The following AKAP6 variants were observed in gnomAD, a reference collection of about 807,000 sequenced individuals.
The protein encoded by AKAP6 is A-kinase anchoring protein 6.
AKAP6 carries 58 observed loss-of-function variants against 188.5 expected under a neutral mutation model. That is an observed-to-expected ratio of 0.31 (90% CI 0.25 to 0.38). The LOEUF (loss-of-function observed/expected upper bound fraction) is 0.38, where lower values mean the gene tolerates loss of function less well. Ranked by LOEUF, AKAP6 falls within the 10% of genes least tolerant of loss-of-function variation. AKAP6 has a pLI of 1.00. For missense variants in AKAP6, 2,710 were observed against 2,740.0 expected (o/e 0.99, Z 0.24); for synonymous variants, 989 against 998.6 (o/e 0.99, Z 0.18).
At position 32,600,623 on chromosome 14, in the gene AKAP6, G is replaced by A; in HGVS notation, c.2567-6G>A. The stretch of plus-strand genomic sequence containing the variant: ...CAACTTCTGCTTTCCCCTCCTTTTG[G>A]AGAAGGACTGAAGGACATGCTGCGG... On this transcript the variant is annotated splice_region_variant and splice_polypyrimidine_tract_variant and intron_variant, in intron 6 of 13. Transcript: ENST00000280979. The A allele has an allele frequency of 1.2e-6, 2 of 1,601,040 alleles. No homozygotes were observed. Among genetic ancestry groups the A allele is most frequent in the Non-Finnish European group, 1.7e-6 (2 of 1,173,412 alleles).
At chr14:32,508,286 G>A (rs1388329621) in intron 2 of AKAP6, among the ~76,000 whole-genome samples, 1 of 152,194 alleles carries the variant, frequency 6.6e-6, no homozygotes, top group Non-Finnish European at 1.5e-5. Flanking sequence ...ATTGCCTTGG[G>A]AAAAGGGATT....
intron 8 of AKAP6, among the ~76,000 whole-genome samples, chr14:32,686,418 T>A (rs1408401964): frequency 6.6e-6 from 1 of 152,116 alleles, no homozygotes; most frequent in Non-Finnish European, 1.5e-5. Flanking sequence ...AACTTTATTG[T>A]ACATTTTAAA....
intron 11 of AKAP6, among the ~76,000 whole-genome samples, chr14:32,771,565 C>T (rs28380084): frequency 0.018 from 2,705 of 152,174 alleles, 78 homozygotes; most frequent in African/African-American, 0.062. Flanking sequence ...CTAGCAACCT[C>T]AGATGTCCTG....
intron 2 of AKAP6, among the ~76,000 whole-genome samples, chr14:32,493,463 A>G (rs1443860365): frequency 2.6e-5 from 4 of 152,108 alleles, no homozygotes; most frequent in African/African-American, 7.2e-5. Flanking sequence ...CTCCTGCTTC[A>G]GCCTCCCAAA....
intron 2 of AKAP6, among the ~76,000 whole-genome samples, chr14:32,527,453 T>G (rs1882190843): frequency 6.6e-6 from 1 of 152,202 alleles, no homozygotes; most frequent in Non-Finnish European, 1.5e-5. Context: ...GGATATGAGT[T>G]TTCAACTCCT....
At chr14:32,791,063 G>T (rs1386382028) in intron 12 of AKAP6, among the ~76,000 whole-genome samples, 1 of 152,152 alleles carries the variant, frequency 6.6e-6, no homozygotes, top group Non-Finnish European at 1.5e-5. Context: ...ATTGCGAATA[G>T]TGCTGCAATA....
intron 3 of AKAP6, among the ~76,000 whole-genome samples, chr14:32,544,645 G>A (rs1257962476): frequency 1.3e-5 from 2 of 152,156 alleles, no homozygotes; most frequent in African/African-American, 4.8e-5. Context: ...CTTCAAAAGG[G>A]TGGGGCCAAA....
At position 32,426,883 on chromosome 14, in the gene AKAP6, ATGAT is replaced by A. The variant is rs1194024575; in HGVS notation, c.-34-6571_-34-6568del. On this transcript the variant is annotated intron_variant, in intron 1 of 13. Coordinates refer to ENST00000280979, the MANE Select transcript of AKAP6 (RefSeq NM_004274.5). ...TAGGAGGAAGGTTTGAGGGGAGAAG[ATGAT>A]TGATTAAGTGTGTTATGGTTGACAG... 3.3e-5 allele frequency among the ~76,000 whole-genome samples: 5 copies of A among 152,062 alleles called. No homozygotes were observed. The East Asian group carries it at 9.6e-4, about 29-fold the overall frequency.
intron 2 of AKAP6, among the ~76,000 whole-genome samples, chr14:32,510,492 A>ATATATATATATACATATATATATATG (rs1566547065): frequency 0.031 from 3,508 of 112,174 alleles, 127 homozygotes; most frequent in African/African-American, 0.052. Context: ...ATATATGTGT[A>ATATATATATATACATATATATATATG]TATATATATA....
At chr14:32,404,691 G>GATAGATTATATATATATATAT in intron 1 of AKAP6, among the ~76,000 whole-genome samples, 13 of 44,438 alleles carry the variant, frequency 2.9e-4, no homozygotes, top group South Asian at 1.3e-3. Flanking sequence ...GGAGTCAGGA[G>GATAGATTATATATATATATAT]ATATATATAT....
chr14:32,464,115 C>T (rs1878249302), intron 2 of AKAP6, among the ~76,000 whole-genome samples: 1 of 151,892 alleles, frequency 6.6e-6, no homozygotes. Flanking sequence ...GCCTACCAAC[C>T]AAAAAAAGCC....
chr14:32,587,075 A>C (rs1257242388), intron 5 of AKAP6, among the ~76,000 whole-genome samples: 1 of 152,178 alleles, frequency 6.6e-6, no homozygotes, highest in Admixed American at 6.5e-5. Context: ...TGTCCCTCTG[A>C]TAGTTACAGA....
chr14:32,531,206 T>C (rs1456778100), intron 2 of AKAP6, among the ~76,000 whole-genome samples: 1 of 152,202 alleles, frequency 6.6e-6, no homozygotes, highest in African/African-American at 2.4e-5. Flanking sequence ...CACAGTAATA[T>C]CTGTGGAAAA....
chr14:32,497,142 G>A (rs17412116), intron 2 of AKAP6, among the ~76,000 whole-genome samples: 18,195 of 152,038 alleles, frequency 0.12, 1,175 homozygotes, highest in Non-Finnish European at 0.14. Context: ...GCCAGTAATC[G>A]AATGTGTGTC....
intron 2 of AKAP6, 95 bp downstream of exon 2, chr14:32,433,912 C>A: frequency 8.0e-7 from 1 of 1,250,540 alleles, no homozygotes; most frequent in Non-Finnish European, 1.1e-6. Context: ...AGGAATTGTC[C>A]AGGAAGAAAA....
intron 7 of AKAP6, among the ~76,000 whole-genome samples, chr14:32,618,261 G>A (rs1886666308): frequency 6.6e-6 from 1 of 152,054 alleles, no homozygotes; most frequent in South Asian, 2.1e-4. Context: ...ATTGTATAGT[G>A]GTGAAACCTG....
intron 9 of AKAP6, among the ~76,000 whole-genome samples, chr14:32,714,200 A>G (rs1034397962): frequency 5.3e-5 from 8 of 152,022 alleles, no homozygotes; most frequent in Admixed American, 2.0e-4. Context: ...GTGCCTCAAA[A>G]CAATTACAAT....
chr14:32,383,756 A>G (rs1200638806), intron 1 of AKAP6, among the ~76,000 whole-genome samples: 1 of 152,090 alleles, frequency 6.6e-6, no homozygotes, highest in East Asian at 1.9e-4. Context: ...AACTCAAGGT[A>G]ATTCTGGTGT....
intron 12 of AKAP6, among the ~76,000 whole-genome samples, chr14:32,800,059 C>A (rs201566161): frequency 0.24 from 26,873 of 111,198 alleles, 2,790 homozygotes; most frequent in South Asian, 0.46. Flanking sequence ...CTCTCTCTCT[C>A]TCTATATATA....
Sources: allele counts gnomAD v4.1 joint callset (sites outside exome capture counted in the v4.1 genomes callset), GRCh38; gene constraint gnomAD v4.1.1; transcripts MANE v1.5; gene names NCBI Gene and HGNC (gene_info 2026-07-23, HGNC 2026-07-21).